Variants in GRAMD2B observed in about 807,000 individuals in gnomAD.
GRAMD2B encodes the protein GRAM domain containing 2B.
GRAMD2B carries 41 observed loss-of-function variants against 59.2 expected under a neutral mutation model. That is an observed-to-expected ratio of 0.69 (90% CI 0.54 to 0.90). The LOEUF (loss-of-function observed/expected upper bound fraction) is 0.90, where lower values mean the gene tolerates loss of function less well. Among genes scored for constraint, GRAMD2B ranks in the 40% least tolerant of loss-of-function variants. The pLI is 0.00. For synonymous variants in GRAMD2B, 161 were observed against 182.7 expected (o/e 0.88, Z 0.96); for missense variants, 424 against 500.5 (o/e 0.85, Z 1.46).
chr5:126,447,477 A>G (rs1046039914), intron 1 of GRAMD2B, among the ~76,000 whole-genome samples: 1 of 152,106 alleles, frequency 6.6e-6, no homozygotes, highest in Admixed American at 6.5e-5. Context: ...CCTCGATAAC[A>G]CGGTGAAACC....
At chr5:126,362,382 G>C (rs1302076121) in intron 1 of GRAMD2B, among the ~76,000 whole-genome samples, 2 of 152,122 alleles carry the variant, frequency 1.3e-5, no homozygotes, top group Non-Finnish European at 2.9e-5. Context: ...CACTTTACCT[G>C]TCTTTAATTT....
At chr5:126,389,819 G>A (rs1449314855) in intron 1 of GRAMD2B, among the ~76,000 whole-genome samples, 5 of 151,888 alleles carry the variant, frequency 3.3e-5, no homozygotes, top group African/African-American at 9.7e-5. Flanking sequence ...GTGGTGGTGC[G>A]TGCTTGTAGT....
chr5:126,386,633 A>T (rs1756164359), intron 1 of GRAMD2B, among the ~76,000 whole-genome samples: 1 of 152,226 alleles, frequency 6.6e-6, no homozygotes, highest in African/African-American at 2.4e-5. Flanking sequence ...GAAAGGCAGT[A>T]TTTGGTGAAA....
At chr5:126,426,878 T>C (rs1760704388) in intron 1 of GRAMD2B, among the ~76,000 whole-genome samples, 1 of 152,212 alleles carries the variant, frequency 6.6e-6, no homozygotes, top group East Asian at 1.9e-4. Context: ...AAGCTGCTGA[T>C]ACACTCATCA....
intron 1 of GRAMD2B, among the ~76,000 whole-genome samples, chr5:126,400,500 A>G (rs1757730399): frequency 7.2e-6 from 1 of 138,748 alleles, no homozygotes; most frequent in African/African-American, 2.5e-5. Flanking sequence ...CACACTGCCA[A>G]TCACAAGATT....
chr5:126,378,217 GT>G (rs1755365858), intron 1 of GRAMD2B, among the ~76,000 whole-genome samples: 2 of 151,924 alleles, frequency 1.3e-5, no homozygotes, highest in African/African-American at 4.8e-5. Flanking sequence ...AAAAAGGTAA[GT>G]TTTTTTCTAG....
chr5:126,447,633 C>T (rs1384936574), intron 1 of GRAMD2B, among the ~76,000 whole-genome samples: 16 of 147,564 alleles, frequency 1.1e-4, no homozygotes, highest in Non-Finnish European at 2.1e-4. Context: ...CACTGCACTC[C>T]AGCCTGGGCG....
At chr5:126,456,203 C>T (rs1766249402) in intron 1 of GRAMD2B, among the ~76,000 whole-genome samples, 1 of 152,094 alleles carries the variant, frequency 6.6e-6, no homozygotes, top group African/African-American at 2.4e-5. Flanking sequence ...TCTGCCCCCT[C>T]AGTAGCTACC....
chr5:126,476,553 T>C (rs1402105791), intron 5 of GRAMD2B, among the ~76,000 whole-genome samples: 1 of 152,220 alleles, frequency 6.6e-6, no homozygotes, highest in Non-Finnish European at 1.5e-5. Flanking sequence ...TACATTCTTA[T>C]AGCACATTGT....
chr5:126,457,097 C>T (rs13169038), intron 1 of GRAMD2B, among the ~76,000 whole-genome samples: 130,626 of 150,420 alleles, frequency 0.87, 57,761 homozygotes, highest in East Asian at 0.99. Flanking sequence ...GAGGCTGAGG[C>T]GAGAGAATGG....
At chr5:126,391,251 G>T (rs1265286987) in intron 1 of GRAMD2B, among the ~76,000 whole-genome samples, 2 of 144,510 alleles carry the variant, frequency 1.4e-5, no homozygotes, top group Non-Finnish European at 3.0e-5. Flanking sequence ...TGAGGCAGGA[G>T]AATCGCTTGA....
At chr5:126,463,255 A>G (rs1767691351) in intron 1 of GRAMD2B, among the ~76,000 whole-genome samples, 1 of 152,182 alleles carries the variant, frequency 6.6e-6, no homozygotes, top group South Asian at 2.1e-4. Context: ...TCTTCATCTG[A>G]TCCTGCATAA....
At chr5:126,398,708 TTTC>T (rs1002534582) in intron 1 of GRAMD2B, among the ~76,000 whole-genome samples, 1 of 152,164 alleles carries the variant, frequency 6.6e-6, no homozygotes, top group African/African-American at 2.4e-5. Flanking sequence ...ATGCAAAATC[TTTC>T]TTCTTCTTTA....
chr5:126,362,668 T>G (rs1015845946), intron 1 of GRAMD2B, among the ~76,000 whole-genome samples: 1 of 152,332 alleles, frequency 6.6e-6, no homozygotes, highest in South Asian at 2.1e-4. Context: ...TTAAAATAGT[T>G]ACCAAGAAAT....
At chr5:126,484,366 A>G in intron 9 of GRAMD2B, 36 bp from the exon 10 acceptor site, 1 of 1,603,094 alleles carries the variant, frequency 6.2e-7, no homozygotes, top group Non-Finnish European at 8.5e-7. Context: ...AATACATTGG[A>G]GAGAACACTT....
At chr5:126,462,130 G>A (rs1304006264) in intron 1 of GRAMD2B, among the ~76,000 whole-genome samples, 1 of 152,148 alleles carries the variant, frequency 6.6e-6, no homozygotes, top group Non-Finnish European at 1.5e-5. Flanking sequence ...AGGAGGATTG[G>A]TTTTTTGGTT....
At chr5:126,387,034 TA>T (rs1286199212) in intron 1 of GRAMD2B, among the ~76,000 whole-genome samples, 4 of 152,280 alleles carry the variant, frequency 2.6e-5, no homozygotes, top group South Asian at 2.1e-4. Flanking sequence ...CATGAGGCTT[TA>T]AAAAATTATT....
upstream of GRAMD2B, among the ~76,000 whole-genome samples, chr5:126,421,799 T>C (rs532926102): frequency 8.5e-5 from 13 of 152,322 alleles, no homozygotes; most frequent in African/African-American, 2.9e-4. Flanking sequence ...TTAGGTGTTT[T>C]ACACACACAT....
chr5:126,387,796 A>T (rs1046885079), intron 1 of GRAMD2B, among the ~76,000 whole-genome samples: 4 of 152,172 alleles, frequency 2.6e-5, no homozygotes, highest in African/African-American at 9.6e-5. Context: ...TAAATTTATA[A>T]GCTCCTTCTG....
Sources: allele counts gnomAD v4.1 joint callset (sites outside exome capture counted in the v4.1 genomes callset), GRCh38; gene constraint gnomAD v4.1.1; transcripts MANE v1.5; gene names NCBI Gene and HGNC (gene_info 2026-07-23, HGNC 2026-07-21).